The following BIVM variants were observed in gnomAD, a reference collection of about 807,000 sequenced individuals.
The protein encoded by BIVM is basic immunoglobulin-like variable motif-containing protein.
BIVM carries 31 observed loss-of-function variants against 61.4 expected under a neutral mutation model. The ratio of observed to expected loss-of-function variants is 0.51; its 90% CI spans 0.38 to 0.68. The LOEUF (loss-of-function observed/expected upper bound fraction) is 0.68. Among genes scored for constraint, BIVM ranks in the 30% least tolerant of loss-of-function variants. The pLI, the probability that BIVM is intolerant of heterozygous loss-of-function variation, is 0.00. For synonymous variants in BIVM, 189 were observed against 210.7 expected, an observed-to-expected ratio of 0.90 and a Z score of 0.89; for missense variants, 526 against 596.0, an observed-to-expected ratio of 0.88 and a Z score of 1.22.
rs1879953380 is a variant in BIVM at position 102,817,618 on chromosome 13, C to T, written c.605+1064C>T. Among the ~76,000 whole-genome samples the T allele has an allele frequency of 2.0e-5, 3 of 152,192 alleles. No individual in the cohort carries two copies. In the East Asian group the frequency reaches 5.8e-4, roughly 29 times the overall value. ...TTATGGTTTTAGCCAAATGTATTGA[C>T]AACCCAAACCCATTGATGATCCTTG... is the stretch of plus-strand genomic sequence containing the variant. On this transcript the variant is annotated intron_variant, in intron 4 of 10. Transcript: ENST00000257336.
intron 7 of BIVM, among the ~76,000 whole-genome samples, chr13:102,828,546 C>T (rs1182178317): frequency 6.6e-6 from 1 of 152,184 alleles, no homozygotes; most frequent in Non-Finnish European, 1.5e-5. Context: ...TTCTGTTTTC[C>T]TCATGTACTG....
At chr13:102,825,097 C>T (rs1166861464) in intron 7 of BIVM, among the ~76,000 whole-genome samples, 1 of 152,054 alleles carries the variant, frequency 6.6e-6, no homozygotes, top group Non-Finnish European at 1.5e-5. Context: ...CGCCCACCAC[C>T]ATGCCCGGCT....
In BIVM at chr13:102,825,933, A is replaced by G. The variant is rs1566452534; in HGVS notation, c.901+3774A>G. On this transcript the variant is annotated intron_variant, in intron 7 of 10. Coordinates refer to ENST00000257336, the MANE Select transcript of BIVM (RefSeq NM_017693.4). ...TGCGAGGTAATTCTTGGTGCACCGT[A>G]TGGTTTCATGCAGAAAAACTAGAGT... 2.6e-5 allele frequency among the ~76,000 whole-genome samples: 4 copies of G among 152,264 alleles called. 1 individual carries two copies. In the South Asian group the frequency reaches 6.2e-4, roughly 24 times the overall value.
intron 1 of BIVM, among the ~76,000 whole-genome samples, chr13:102,803,668 T>C (rs1224066511): frequency 6.6e-6 from 1 of 151,892 alleles, no homozygotes; most frequent in Non-Finnish European, 1.5e-5. Flanking sequence ...CCAAACTCAC[T>C]CTAATAACCT....
At chr13:102,818,818 A>C (rs774401210) in intron 4 of BIVM, among the ~76,000 whole-genome samples, 1 of 152,212 alleles carries the variant, frequency 6.6e-6, no homozygotes, top group African/African-American at 2.4e-5. Context: ...AGTATGAAAA[A>C]TCTTAAGAGA....
At chr13:102,811,140 A>G (rs368927021) in intron 3 of BIVM, among the ~76,000 whole-genome samples, 1 of 152,244 alleles carries the variant, frequency 6.6e-6, no homozygotes, top group African/African-American at 2.4e-5. Context: ...ACTGGCTTTT[A>G]TAATTGTTCG....
intron 7 of BIVM, among the ~76,000 whole-genome samples, chr13:102,826,006 A>G (rs1259466344): frequency 6.6e-6 from 1 of 152,190 alleles, no homozygotes; most frequent in East Asian, 1.9e-4. Context: ...TGTGCATCAC[A>G]GTGCCTGATA....
chr13:102,807,907 G>T lies in BIVM; in HGVS notation c.478+162G>T, dbSNP rs974962993. On this transcript the variant is annotated intron_variant, in intron 3 of 10. Transcript: ENST00000257336. This position sits in a 1 kb window ranked among gnomAD's most constrained non-coding sequence, Gnocchi z 4.0. Reference sequence around the variant, plus strand: ...GTAGTTTTAGGAAAGTAACCTTGACGTAGGGCATGTAGTTCATTGCGGGGC... The same window carrying T: ...GTAGTTTTAGGAAAGTAACCTTGACTTAGGGCATGTAGTTCATTGCGGGGC... Among the ~76,000 whole-genome samples, 1 of 151,416 alleles carries T rather than the reference G, an allele frequency of 6.6e-6. No homozygotes were observed. Among genetic ancestry groups the T allele is most frequent in the African/African-American group, 2.4e-5 (1 of 41,202 alleles).
At chr13:102,821,716 G>T (rs1368615444) in intron 5 of BIVM, 27 bp from the exon 6 acceptor site, 4 of 1,603,898 alleles carry the variant, frequency 2.5e-6, no homozygotes, top group Admixed American at 1.7e-5. Flanking sequence ...ATTGAAAAAT[G>T]AAAGGCAATG....
At position 102,838,723 on chromosome 13, in the gene BIVM, A is replaced by T; in HGVS notation, c.1202A>T (p.Tyr401Phe). The change falls in exon 10 of 11, where the codon TAT becomes TTT. Residue 401 changes from tyrosine (Y) to phenylalanine (F), a missense_variant. By Grantham distance (22) the Tyr-to-Phe change is conservative. Around this residue, in one of 3 missense-constraint regions of BIVM, gnomAD observed 210 missense variants for 233.1 expected, o/e 0.90. Transcript: ENST00000257336. ...DIRHLERGLQ[Y>F]RKTKKVGGNL... ...CGGCACTTAGAGAGGGGACTGCAGT[A>T]TAGAAAAACAAAGAAGGTAAGAAGA... 1.9e-6 allele frequency: 3 copies of T among 1,612,682 alleles called. No individual in the cohort carries two copies. The highest frequency in any genetic ancestry group is 2.5e-6 in the Non-Finnish European group (3 of 1,179,382).
In BIVM at chr13:102,816,460, A is replaced by T; in HGVS notation, c.511A>T (p.Thr171Ser). The T allele has an allele frequency of 6.3e-7, 1 of 1,588,096 alleles. No homozygotes were observed. The highest frequency in any genetic ancestry group is 8.5e-7 in the Non-Finnish European group (1 of 1,170,948). Residue 171 changes from threonine (T) to serine (S), a missense_variant, in exon 4 of 11, where the codon ACT becomes TCT. Coordinates refer to ENST00000257336, the MANE Select transcript of BIVM (RefSeq NM_017693.4). Reference protein sequence around the residue: ...NAKKQVSKRKTSDKKGRYQKE... With the variant: ...NAKKQVSKRKSSDKKGRYQKE... ...AAAGAAACAAGTTTCCAAGAGAAAA[A>T]CTTCAGATAAAAAGGGAAGATATCA...
intron 6 of BIVM, 51 bp from the exon 7 acceptor site, chr13:102,822,014 C>G: frequency 6.3e-7 from 1 of 1,597,398 alleles, no homozygotes; most frequent in South Asian, 1.1e-5. Flanking sequence ...GGAATAATGC[C>G]ATCTTTGTTG....
At chr13:102,800,182 A>G (rs991659913) in intron 1 of BIVM, among the ~76,000 whole-genome samples, 1 of 151,992 alleles carries the variant, frequency 6.6e-6, no homozygotes, top group Non-Finnish European at 1.5e-5. Context: ...AATGATACCG[A>G]CTCGTTTACT....
In BIVM at chr13:102,821,850, A is replaced by G. The variant is rs1360555855; in HGVS notation, c.806+3A>G. ...ACGGGGAATACAACACTTATGAGGT[A>G]TGAAGACCCTCTTAGAGGCAATATC... is the stretch of plus-strand genomic sequence containing the variant. On this transcript the variant is annotated splice_donor_region_variant and intron_variant, in intron 6 of 10. Transcript: ENST00000257336. 5.0e-6 allele frequency: 8 copies of G among 1,611,620 alleles called. No individual in the cohort carries two copies. The highest frequency in any genetic ancestry group is 6.8e-6 in the Non-Finnish European group (8 of 1,179,196).
chr13:102,839,556 A>G lies in BIVM; in HGVS notation c.1219-16A>G. The G allele has an allele frequency of 1.2e-6, 2 of 1,609,920 alleles. No individual in the cohort carries two copies. Among genetic ancestry groups the G allele is most frequent in the Non-Finnish European group, 1.7e-6 (2 of 1,177,900 alleles). On this transcript the variant is annotated splice_polypyrimidine_tract_variant and intron_variant, in intron 10 of 10. Transcript: ENST00000257336. ...TTTCCCTTTATTTTCTTCAGCCAAC[A>G]TTTTTTTCTTCTCAGGTTGGGGGAA... is the stretch of plus-strand genomic sequence containing the variant.
intron 1 of BIVM, among the ~76,000 whole-genome samples, chr13:102,801,245 ATTT>A (rs34160315): frequency 4.8e-4 from 68 of 142,384 alleles, no homozygotes; most frequent in East Asian, 1.0e-3. Context: ...TTAGTAGTAA[ATTT>A]TTTTTTTTTT....
chr13:102,834,475 T>G lies in BIVM; in HGVS notation c.1044T>G (p.Pro348=). 1.9e-6 allele frequency: 3 copies of G among 1,598,646 alleles called. No homozygotes were observed. Among genetic ancestry groups the G allele is most frequent in the South Asian group, 1.1e-5 (1 of 87,858 alleles). The stretch of plus-strand genomic sequence containing the variant: ...TGTATTTTATATTTAGCAGGGGACC[T>G]CTCTCACCACAGGAAGTTGAATATT... ...VKANKAFSRG[P]LSPQEVEYWI... The change falls in exon 9 of 11, where the codon CCT becomes CCG. Residue 348 remains proline (P), a synonymous_variant. Coordinates refer to ENST00000257336, the MANE Select transcript of BIVM (RefSeq NM_017693.4).
intron 3 of BIVM, among the ~76,000 whole-genome samples, chr13:102,813,339 CTTTG>C (rs769978244): frequency 6.6e-6 from 1 of 151,954 alleles, no homozygotes; most frequent in Admixed American, 6.5e-5. Flanking sequence ...CTGAAAGTTA[CTTTG>C]TTTGATATTA....
intron 1 of BIVM, among the ~76,000 whole-genome samples, chr13:102,804,426 T>G (rs1167347775): frequency 6.6e-6 from 1 of 152,220 alleles, no homozygotes; most frequent in East Asian, 1.9e-4. Flanking sequence ...TTCTCCTGCC[T>G]CAGCCTCGCA....
Sources: gnomAD v4.1 joint callset for allele counts (sites outside exome capture counted in the v4.1 genomes callset) on GRCh38, gnomAD v4.1.1 for gene constraint, gnomAD v4.1.1 regional missense constraint, Gnocchi (gnomAD v3.1) non-coding constraint, MANE v1.5 for transcripts, NCBI Gene and HGNC (gene_info 2026-07-23, HGNC 2026-07-21) for gene names.